The following N4BP2L1 variants were observed in gnomAD, a reference collection of about 807,000 sequenced individuals.
N4BP2L1 encodes the protein NEDD4-binding protein 2-like 1.
In N4BP2L1, 12 loss-of-function variants were observed where a neutral mutation model predicts 21.2. That is an observed-to-expected ratio of 0.57 (90% confidence interval 0.36 to 0.92). N4BP2L1 has a LOEUF of 0.92. Among genes scored for constraint, N4BP2L1 ranks in the 40% least tolerant of loss-of-function variants. N4BP2L1 has a pLI of 0.01. For synonymous variants in N4BP2L1, 104 were observed against 112.8 expected, an observed-to-expected ratio of 0.92 and a Z score of 0.49; for missense variants, 259 against 310.6, an observed-to-expected ratio of 0.83 and a Z score of 1.25.
At chr13:32,427,803 G>A (rs2074875342) in intron 1 of N4BP2L1, 101 bp downstream of exon 1, 1 of 727,324 alleles carries the variant, frequency 1.4e-6, no homozygotes, top group African/African-American at 1.9e-5. Context: ...CGCGGCGGGG[G>A]CGCAAGCGGC....
chr13:32,419,539 TG>T (rs1237971026), intron 1 of N4BP2L1: 4 of 300,808 alleles, frequency 1.3e-5, no homozygotes, highest in Admixed American at 8.5e-5. Context: ...CCCAAAGTGC[TG>T]GGATTACAGG....
Position 32,427,941 on chromosome 13 carries a change from G to A in N4BP2L1, c.142C>T (p.Arg48Ter). The A allele has an allele frequency of 6.5e-7, 1 of 1,527,632 alleles. No individual in the cohort carries two copies. The allele number at this position is 1,527,632 out of a possible 1,614,324, so 94.6% of individuals were successfully genotyped here. A position where few individuals can be genotyped will look rare whatever the true frequency, so the allele number is the denominator to read the frequency against. ...HSFRKHLYLL[R>*]GLPGSGKTTL... The stretch of plus-strand genomic sequence containing the variant: ...GTTTTCCCGGAGCCCGGGAGGCCTC[G>A]CAGGAGGTAGAGGTGTTTCCTAAAG... The change falls in exon 1 of 5, where the codon CGA (arginine) becomes TGA (stop). Residue 48 changes from arginine (R) to a stop codon, truncating the protein, a stop_gained. Transcript: ENST00000380130. LOFTEE classifies it high-confidence loss of function.
chr13:32,411,642 A>G (rs909253840), intron 1 of N4BP2L1: 4 of 985,178 alleles, frequency 4.1e-6, no homozygotes, highest in Non-Finnish European at 3.6e-6. Context: ...GAAAAAATAG[A>G]AAGATAATTA....
intron 1 of N4BP2L1, among the ~76,000 whole-genome samples, chr13:32,414,099 C>G (rs902655849): frequency 3.3e-5 from 5 of 152,098 alleles, no homozygotes; most frequent in African/African-American, 1.2e-4. Flanking sequence ...CCAGGCTGGT[C>G]TTGAACTCCA....
In N4BP2L1 at chr13:32,402,190, A is replaced by T; in HGVS notation, c.*752T>A. The T allele has an allele frequency of 2.0e-6, 2 of 984,068 alleles. No homozygotes were observed. Among genetic ancestry groups the T allele is most frequent in the Non-Finnish European group, 2.4e-6 (2 of 828,698 alleles). 61.0% of individuals were successfully genotyped at this position (984,068 alleles called of 1,614,324 possible). A position where few individuals can be genotyped will look rare whatever the true frequency, so the allele number is the denominator to read the frequency against. ...ATGAAGGCAGGCTTATTTTATTTAC[A>T]CTATTAGCACAACAGCCAAAAGTTA... On this transcript the variant is annotated 3_prime_UTR_variant, in exon 5 of 5. Transcript: ENST00000380130.
intron 1 of N4BP2L1, chr13:32,411,722 T>A: frequency 1.0e-6 from 1 of 983,882 alleles, no homozygotes; most frequent in South Asian, 4.7e-5. Flanking sequence ...TAAGAGAAAC[T>A]CAGGGGCTAA....
chr13:32,402,909 T>C lies in N4BP2L1; in HGVS notation c.*33A>G. The C allele has an allele frequency of 6.6e-7, 1 of 1,522,146 alleles. No individual in the cohort carries two copies. Among genetic ancestry groups the C allele is most frequent in the Non-Finnish European group, 8.8e-7 (1 of 1,133,612 alleles). The allele number at this position is 1,522,146 out of a possible 1,614,324, so 94.3% of individuals were successfully genotyped here. Reference sequence around the variant, plus strand: ...ACAAAAACTGAAGTAGAAACTGACTTAGGAAAATTCTGCCTGGCTGTAAGA... The same window carrying C: ...ACAAAAACTGAAGTAGAAACTGACTCAGGAAAATTCTGCCTGGCTGTAAGA... On this transcript the variant is annotated 3_prime_UTR_variant, in exon 5 of 5. Transcript: ENST00000380130.
chr13:32,411,713 A>T (rs56158230), intron 1 of N4BP2L1: 1 of 984,406 alleles, frequency 1.0e-6, no homozygotes, highest in African/African-American at 1.7e-5. Flanking sequence ...TCACTATTAT[A>T]AGAGAAACTC....
At position 32,412,185 on chromosome 13, in the gene N4BP2L1, C is replaced by T. The variant is rs538891802; in HGVS notation, c.180-4413G>A. The stretch of plus-strand genomic sequence containing the variant: ...TCCACCTGAACTTCTCCCGCCACAA[C>T]CTTTTAATTAGAAAATACACAAACC... On this transcript the variant is annotated intron_variant, in intron 1 of 4. Coordinates refer to ENST00000380130, the MANE Select transcript of N4BP2L1 (RefSeq NM_052818.3). Among the ~76,000 whole-genome samples, 3 of 152,166 alleles carry T rather than the reference C, an allele frequency of 2.0e-5. No homozygotes were observed. The East Asian group carries it at 5.8e-4, about 29-fold the overall frequency.
At chr13:32,418,339 G>C (rs1323491468) in intron 1 of N4BP2L1, among the ~76,000 whole-genome samples, 2 of 152,246 alleles carry the variant, frequency 1.3e-5, no homozygotes, top group Non-Finnish European at 2.9e-5. Flanking sequence ...CTGCCACATG[G>C]TGTTGGGCCT....
At chr13:32,426,144 T>C (rs1446896026) in intron 1 of N4BP2L1, among the ~76,000 whole-genome samples, 1 of 152,212 alleles carries the variant, frequency 6.6e-6, no homozygotes, top group Non-Finnish European at 1.5e-5. Flanking sequence ...GATGTTCCAT[T>C]CTGTGTATCT....
chr13:32,407,604 C>T, intron 2 of N4BP2L1, 41 bp downstream of exon 2: 1 of 1,609,538 alleles, frequency 6.2e-7, no homozygotes, highest in Non-Finnish European at 8.5e-7. Flanking sequence ...AATCTATGTG[C>T]ACATCAGGGT....
intron 3 of N4BP2L1, among the ~76,000 whole-genome samples, chr13:32,405,619 C>A (rs1383647878): frequency 6.6e-6 from 1 of 152,184 alleles, no homozygotes; most frequent in African/African-American, 2.4e-5. Flanking sequence ...CGTGCCTGTT[C>A]ATTTCTCGCC....
chr13:32,412,658 A>C (rs2073925427), intron 1 of N4BP2L1, among the ~76,000 whole-genome samples: 2 of 151,980 alleles, frequency 1.3e-5, no homozygotes, highest in African/African-American at 4.8e-5. Flanking sequence ...AAAAAAAAAA[A>C]AGATAAACTC....
At chr13:32,417,809 T>C (rs1299288385) in intron 1 of N4BP2L1, among the ~76,000 whole-genome samples, 1 of 152,174 alleles carries the variant, frequency 6.6e-6, no homozygotes. Flanking sequence ...TACTGGGAAC[T>C]GGAGTAAAGG....
At chr13:32,411,324 AT>A (rs3072043) in intron 1 of N4BP2L1, among the ~76,000 whole-genome samples, 3,524 of 140,950 alleles carry the variant, frequency 0.025, 126 homozygotes, top group African/African-American at 0.085. Context: ...AAGGCCAAGG[AT>A]TTTTTTTTTT....
rs2137691309 is a variant in N4BP2L1 at position 32,402,110 on chromosome 13, A to G, written c.*832T>C. The G allele has an allele frequency of 3.0e-6, 3 of 985,024 alleles. No individual in the cohort carries two copies. The highest frequency in any genetic ancestry group is 1.1e-4 in the East Asian group (1 of 8,818). 61.0% of individuals were successfully genotyped at this position (985,024 alleles called of 1,614,324 possible). On this transcript the variant is annotated 3_prime_UTR_variant, in exon 5 of 5. Transcript: ENST00000380130. ...CATTTGAGCTGCCGACTAATTACACATGTTAATAGGCATAATTTTAGAAGT... is the reference window on the plus strand; with the variant it reads ...CATTTGAGCTGCCGACTAATTACACGTGTTAATAGGCATAATTTTAGAAGT...
intron 1 of N4BP2L1, among the ~76,000 whole-genome samples, chr13:32,421,705 C>T (rs2074487405): frequency 6.6e-6 from 1 of 152,192 alleles, no homozygotes; most frequent in African/African-American, 2.4e-5. Context: ...CTTTCCCAGA[C>T]TCTTACCTTG....
intron 2 of N4BP2L1, 38 bp downstream of exon 2, chr13:32,407,607 A>G: frequency 6.2e-7 from 1 of 1,610,032 alleles, no homozygotes; most frequent in East Asian, 2.2e-5. Flanking sequence ...CTATGTGCAC[A>G]TCAGGGTTTC....
Sources: allele counts gnomAD v4.1 joint callset (sites outside exome capture counted in the v4.1 genomes callset), GRCh38; gene constraint gnomAD v4.1.1; transcripts MANE v1.5; gene names NCBI Gene and HGNC (gene_info 2026-07-23, HGNC 2026-07-21).